The following KCNJ6 variants were observed in gnomAD, a reference collection of about 807,000 sequenced individuals.
KCNJ6 encodes the protein G protein-activated inward rectifier potassium channel 2.
A neutral mutation model predicts 34.2 loss-of-function variants in KCNJ6; 9 were observed. That is an observed-to-expected ratio of 0.26 (90% CI 0.16 to 0.46). The LOEUF (loss-of-function observed/expected upper bound fraction) is 0.46. Ranked by LOEUF, KCNJ6 falls within the 20% of genes least tolerant of loss-of-function variation. KCNJ6 has a pLI of 1.00. For synonymous variants in KCNJ6, 196 were observed against 207.1 expected (o/e 0.95, Z 0.46); for missense variants, 236 against 531.3 (o/e 0.44, Z 5.46).
chr21:37,628,292 A>G (rs1438313379), intron 3 of KCNJ6, among the ~76,000 whole-genome samples: 1 of 152,192 alleles, frequency 6.6e-6, no homozygotes, highest in Non-Finnish European at 1.5e-5. Context: ...TAAAGAACAA[A>G]AGGAAATTAG....
At chr21:37,880,788 G>A (rs1020469241) in intron 1 of KCNJ6, among the ~76,000 whole-genome samples, 1 of 152,196 alleles carries the variant, frequency 6.6e-6, no homozygotes, top group African/African-American at 2.4e-5. Flanking sequence ...AAGCTGGCTT[G>A]ACATCAGAGT....
chr21:37,627,802 A>C (rs983246261), intron 3 of KCNJ6, among the ~76,000 whole-genome samples: 1 of 73,636 alleles, frequency 1.4e-5, no homozygotes. Context: ...TAGGAGGTGA[A>C]GGTTAATGCA....
chr21:37,634,403 G>C (rs1359130325), intron 3 of KCNJ6, among the ~76,000 whole-genome samples: 1 of 152,086 alleles, frequency 6.6e-6, no homozygotes, highest in Admixed American at 6.6e-5. Context: ...CCAGAGGCCG[G>C]GGCCATGCTT....
intron 2 of KCNJ6, among the ~76,000 whole-genome samples, chr21:37,821,146 A>C (rs1441616026): frequency 6.6e-6 from 1 of 152,188 alleles, no homozygotes; most frequent in Non-Finnish European, 1.5e-5. Context: ...TGAAGGTGTG[A>C]CTAAATTTGT....
intron 2 of KCNJ6, among the ~76,000 whole-genome samples, chr21:37,796,738 C>G (rs1214257529): frequency 1.3e-5 from 2 of 148,494 alleles, no homozygotes; most frequent in Non-Finnish European, 1.5e-5. Context: ...CAGTTGGCCT[C>G]TCTGGGGTCT....
chr21:37,775,329 T>G (rs1237600925), intron 2 of KCNJ6, among the ~76,000 whole-genome samples: 2 of 152,248 alleles, frequency 1.3e-5, no homozygotes, highest in Admixed American at 1.3e-4. Context: ...TAGTTTCTTT[T>G]GCTGTGCAGA....
At chr21:37,849,398 A>C (rs1252716187) in intron 1 of KCNJ6, among the ~76,000 whole-genome samples, 1 of 152,166 alleles carries the variant, frequency 6.6e-6, no homozygotes, top group Non-Finnish European at 1.5e-5. Flanking sequence ...ACCTGGCTTC[A>C]TCCAACCCAC....
chr21:37,899,386 C>T (rs576617658), intron 1 of KCNJ6, among the ~76,000 whole-genome samples: 14 of 152,282 alleles, frequency 9.2e-5, no homozygotes, highest in African/African-American at 3.1e-4. Context: ...AGGAAACTGT[C>T]CTTAGCTGGA....
rs78443969 is a variant in KCNJ6 at position 37,685,706 on chromosome 21, A to AAAAAAAAAAAAAAAAAAG, written c.946+28504_946+28505insCTTTTTTTTTTTTTTTTT. ...CAAAAAAAAAAAAAAAAAAAAAAAA[A>AAAAAAAAAAAAAAAAAAG]AATCTATCCTATGGATATCAGAGGT... On this transcript the variant is annotated intron_variant, in intron 3 of 3. Transcript: ENST00000609713. Among the ~76,000 whole-genome samples, 4 of 51,042 alleles carry AAAAAAAAAAAAAAAAAAG rather than the reference A, an allele frequency of 7.8e-5. 2 individuals are homozygous for AAAAAAAAAAAAAAAAAAG. The highest frequency in any genetic ancestry group is 2.2e-4 in the African/African-American group (4 of 18,062). The allele number at this position is 51,042 out of a possible 152,430, so 33.5% of individuals were successfully genotyped here.
intron 3 of KCNJ6, among the ~76,000 whole-genome samples, chr21:37,671,393 C>T (rs927233979): frequency 3.3e-5 from 5 of 152,146 alleles, no homozygotes; most frequent in Non-Finnish European, 7.3e-5. Context: ...AGGGCGTGCC[C>T]CTCTTCTTGC....
chr21:37,854,439 TA>T (rs2055554436), intron 1 of KCNJ6, among the ~76,000 whole-genome samples: 1 of 152,138 alleles, frequency 6.6e-6, no homozygotes, highest in East Asian at 1.9e-4. Context: ...ACTTGAGAGC[TA>T]AAAAATTGAT....
chr21:37,631,574 G>A (rs2054333859), intron 3 of KCNJ6, among the ~76,000 whole-genome samples: 2 of 152,188 alleles, frequency 1.3e-5, no homozygotes, highest in East Asian at 1.9e-4. Context: ...ATAGCAGGAC[G>A]ATTGGAGAAG....
intron 3 of KCNJ6, among the ~76,000 whole-genome samples, chr21:37,634,753 T>G (rs2054349508): frequency 7.8e-6 from 1 of 128,840 alleles, no homozygotes; most frequent in South Asian, 2.6e-4. Context: ...TAGGAATACA[T>G]ACAAATCATT....
chr21:37,785,814 T>G (rs1375026294), intron 2 of KCNJ6, among the ~76,000 whole-genome samples: 1 of 152,262 alleles, frequency 6.6e-6, no homozygotes, highest in South Asian at 2.1e-4. Context: ...AGCCAGAGAT[T>G]ATTGGATCAT....
At chr21:37,762,436 G>C (rs1465354432) in intron 2 of KCNJ6, among the ~76,000 whole-genome samples, 4 of 152,182 alleles carry the variant, frequency 2.6e-5, no homozygotes, top group African/African-American at 9.7e-5. Flanking sequence ...TGGTCCACAG[G>C]TCTTGAGGCC....
intron 3 of KCNJ6, among the ~76,000 whole-genome samples, chr21:37,670,441 A>G (rs1248019279): frequency 1.3e-5 from 2 of 152,178 alleles, no homozygotes; most frequent in Admixed American, 6.5e-5. Flanking sequence ...AAATCTGCAG[A>G]TCACTTTGGG....
chr21:37,761,571 ATGTAGTGTGTGTG>A (rs1367432138), intron 2 of KCNJ6, among the ~76,000 whole-genome samples: 2 of 133,986 alleles, frequency 1.5e-5, no homozygotes, highest in African/African-American at 5.9e-5. Flanking sequence ...TGTTGTGTGT[ATGTAGTGTGTGTG>A]TATATTTGTG....
In KCNJ6 at chr21:37,616,144, T is replaced by G. The variant is rs1601387904; in HGVS notation, c.*9015A>C. On this transcript the variant is annotated 3_prime_UTR_variant, in exon 4 of 4. Coordinates refer to ENST00000609713, the MANE Select transcript of KCNJ6 (RefSeq NM_002240.5). Reference sequence around the variant, plus strand: ...TCTCCTCGAGCCTGCGGGAGAGTGGTCCACACTGAGAGGCTGGGAGTTACC... The same window carrying G: ...TCTCCTCGAGCCTGCGGGAGAGTGGGCCACACTGAGAGGCTGGGAGTTACC... 1 of 152,226 alleles carries G rather than the reference T, an allele frequency of 6.6e-6. No homozygotes were observed. 9.4% of individuals were successfully genotyped at this position (152,226 alleles called of 1,614,324 possible).
intron 2 of KCNJ6, among the ~76,000 whole-genome samples, chr21:37,734,665 G>A (rs2054903709): frequency 6.6e-6 from 1 of 152,016 alleles, no homozygotes; most frequent in African/African-American, 2.4e-5. Flanking sequence ...CTACATCCTT[G>A]CAGTGGGGGT....
Sources: gnomAD v4.1 joint callset for allele counts (sites outside exome capture counted in the v4.1 genomes callset) on GRCh38, gnomAD v4.1.1 for gene constraint, MANE v1.5 for transcripts, NCBI Gene and HGNC (gene_info 2026-07-23, HGNC 2026-07-21) for gene names.